Variants in ETV1 observed in about 807,000 individuals in gnomAD.
ETV1 encodes ETS variant transcription factor 1, also known as ETS translocation variant 1.
Under a neutral mutation model 62.3 loss-of-function variants are expected in ETV1, and 27 were observed. The ratio of observed to expected loss-of-function variants is 0.43; its 90% CI spans 0.32 to 0.60. The LOEUF is 0.60. Ranked by LOEUF, ETV1 falls within the 20% of genes least tolerant of loss-of-function variation. The pLI is 0.06. For missense variants in ETV1, 605 were observed against 605.8 expected, an observed-to-expected ratio of 1.00 and a Z score of 0.01; for synonymous variants, 222 against 199.6, an observed-to-expected ratio of 1.11 and a Z score of -0.94.
chr7:13,920,927 T>C (rs560653830), intron 9 of ETV1, among the ~76,000 whole-genome samples: 1 of 152,222 alleles, frequency 6.6e-6, no homozygotes, highest in Non-Finnish European at 1.5e-5. Flanking sequence ...ACAAAATCAA[T>C]TAGGAAGACA....
intron 9 of ETV1, among the ~76,000 whole-genome samples, chr7:13,915,506 T>C (rs897655958): frequency 3.9e-5 from 6 of 152,228 alleles, no homozygotes; most frequent in African/African-American, 1.4e-4. Flanking sequence ...TTAAACTTAG[T>C]ACTTCACTAG....
intron 6 of ETV1, among the ~76,000 whole-genome samples, chr7:13,972,867 C>T (rs181308629): frequency 4.9e-4 from 74 of 152,300 alleles, no homozygotes; most frequent in Middle Eastern, 3.4e-3. Context: ...CTTCAGCCTT[C>T]CAAAGTGCCA....
At position 13,964,167 on chromosome 7, in the gene ETV1, A is replaced by T. The variant is rs17167695; in HGVS notation, c.235+13260T>A. 7.2e-3 allele frequency among the ~76,000 whole-genome samples: 1,096 copies of T among 152,274 alleles called. 47 individuals carry two copies. In the East Asian group the frequency reaches 0.13, roughly 19 times the overall value. On this transcript the variant is annotated intron_variant, in intron 6 of 13. Coordinates refer to ENST00000430479, the MANE Select transcript of ETV1 (RefSeq NM_004956.5). ...TCAACATAATAAGGCTGTTGTGTTC[A>T]TGAGGATGGAGAAAAACAACCCCAA...
At chr7:13,940,577 A>G (rs373469756) in intron 6 of ETV1, among the ~76,000 whole-genome samples, 1 of 152,260 alleles carries the variant, frequency 6.6e-6, no homozygotes, top group African/African-American at 2.4e-5. Flanking sequence ...CAAGGGATAA[A>G]CACATAACAG....
chr7:13,937,578 A>G, intron 7 of ETV1, among the ~76,000 whole-genome samples: 1 of 152,230 alleles, frequency 6.6e-6, no homozygotes, highest in Non-Finnish European at 1.5e-5. Flanking sequence ...CACAGTCACA[A>G]TTCTGATTAA....
At chr7:13,954,819 A>C (rs1367638227) in intron 6 of ETV1, among the ~76,000 whole-genome samples, 1 of 152,198 alleles carries the variant, frequency 6.6e-6, no homozygotes, top group African/African-American at 2.4e-5. Context: ...CCTTGTTCAA[A>C]ACAACCCCAT....
intron 6 of ETV1, among the ~76,000 whole-genome samples, chr7:13,947,997 C>T (rs1167766556): frequency 1.3e-5 from 2 of 152,112 alleles, no homozygotes; most frequent in Non-Finnish European, 2.9e-5. Context: ...GTATGTATGA[C>T]CTTAGTACTA....
At chr7:13,934,138 A>G (rs574245797) in intron 8 of ETV1, among the ~76,000 whole-genome samples, 3 of 152,194 alleles carry the variant, frequency 2.0e-5, no homozygotes, top group Non-Finnish European at 4.4e-5. Context: ...CCACCCTGCA[A>G]TAAGAATTCT....
At chr7:13,934,540 T>C (rs191589026) in intron 8 of ETV1, among the ~76,000 whole-genome samples, 89 of 152,346 alleles carry the variant, frequency 5.8e-4, no homozygotes, top group African/African-American at 2.0e-3. Flanking sequence ...CACTGACTTA[T>C]TGTCAAACTT....
At chr7:13,942,725 A>G (rs1054074909) in intron 6 of ETV1, among the ~76,000 whole-genome samples, 1 of 152,206 alleles carries the variant, frequency 6.6e-6, no homozygotes, top group Non-Finnish European at 1.5e-5. Flanking sequence ...GCGACATATA[A>G]GGAATTCAAG....
chr7:13,935,982 A>T (rs1469722472), intron 7 of ETV1, 86 bp from the exon 8 acceptor site: 1 of 1,064,656 alleles, frequency 9.4e-7, no homozygotes, highest in Non-Finnish European at 1.4e-6. Context: ...AAGAAAAGAT[A>T]TTTTAGACTT....
At chr7:13,920,338 A>G (rs1007195272) in intron 9 of ETV1, among the ~76,000 whole-genome samples, 4 of 152,180 alleles carry the variant, frequency 2.6e-5, no homozygotes, top group Non-Finnish European at 4.4e-5. Flanking sequence ...AGCAGGACCA[A>G]TGAGCATTAA....
chr7:13,976,739 C>T (rs557348526), intron 6 of ETV1, among the ~76,000 whole-genome samples: 1 of 152,250 alleles, frequency 6.6e-6, no homozygotes, highest in South Asian at 2.1e-4. Flanking sequence ...CACGTTTGTA[C>T]AGGCAAAACG....
intron 13 of ETV1, among the ~76,000 whole-genome samples, chr7:13,896,438 C>CT (rs1479058197): frequency 1.3e-5 from 2 of 152,096 alleles, no homozygotes; most frequent in East Asian, 1.9e-4. Flanking sequence ...ATATTGAAAG[C>CT]TTTTTTTCTG....
At chr7:13,935,034 A>G (rs1786639016) in intron 8 of ETV1, among the ~76,000 whole-genome samples, 1 of 152,210 alleles carries the variant, frequency 6.6e-6, no homozygotes, top group South Asian at 2.1e-4. Context: ...TACAGGTTTT[A>G]TTTAGTATTT....
At chr7:13,911,888 G>T (rs1468040450) in intron 9 of ETV1, among the ~76,000 whole-genome samples, 1 of 152,086 alleles carries the variant, frequency 6.6e-6, no homozygotes, top group Non-Finnish European at 1.5e-5. Flanking sequence ...AATCTTTTGG[G>T]TTACCAAATA....
intron 2 of ETV1, 46 bp from the exon 3 acceptor site, chr7:13,989,185 A>G: frequency 1.4e-6 from 1 of 718,718 alleles, no homozygotes; most frequent in Non-Finnish European, 2.3e-6. Context: ...AAAATCATGA[A>G]TGAAGCTCTT....
chr7:13,962,939 C>A (rs980121742), intron 6 of ETV1, among the ~76,000 whole-genome samples: 2 of 151,990 alleles, frequency 1.3e-5, no homozygotes, highest in African/African-American at 4.8e-5. Context: ...GTCTTTAATT[C>A]ACTTGTATAG....
chr7:13,907,927 T>C (rs1048568242), intron 11 of ETV1: 6 of 449,330 alleles, frequency 1.3e-5, no homozygotes, highest in African/African-American at 1.2e-4. Flanking sequence ...CTTAACATGA[T>C]AATATAGAAG....
Sources: gnomAD v4.1 joint callset for allele counts (sites outside exome capture counted in the v4.1 genomes callset) on GRCh38, gnomAD v4.1.1 for gene constraint, MANE v1.5 for transcripts, NCBI Gene and HGNC (gene_info 2026-07-23, HGNC 2026-07-21) for gene names.